ACYP2: variants seen among roughly 807,000 people sequenced by gnomAD.
ACYP2 encodes acylphosphatase 2.
ACYP2 carries 12 observed loss-of-function variants against 11.2 expected under a neutral mutation model. The observed-to-expected ratio is 1.08, with a 90% confidence interval of 0.69 to 1.74. The LOEUF (loss-of-function observed/expected upper bound fraction) is 1.74. ACYP2 is among the 40% of genes most tolerant of loss of function. ACYP2 has a pLI of 0.00. For synonymous variants in ACYP2, 43 were observed against 32.2 expected, an observed-to-expected ratio of 1.33 and a Z score of -1.13; for missense variants, 134 against 101.9, an observed-to-expected ratio of 1.31 and a Z score of -1.35.
At chr2:54,022,626 C>A (rs1463577901) in intron 2 of ACYP2, among the ~76,000 whole-genome samples, 1 of 152,100 alleles carries the variant, frequency 6.6e-6, no homozygotes, top group African/African-American at 2.4e-5. Flanking sequence ...GCAACCCTCC[C>A]ACCTCAGCCT....
intron 4 of ACYP2, among the ~76,000 whole-genome samples, chr2:54,094,823 C>A (rs966115363): frequency 2.6e-5 from 4 of 152,194 alleles, no homozygotes; most frequent in African/African-American, 9.7e-5. Context: ...CAGGTGTGAG[C>A]CACCATGGCC....
At chr2:54,267,426 CAGAAGGAGGG>C in intron 6 of ACYP2, 1 of 1,425,696 alleles carries the variant, frequency 7.0e-7, no homozygotes, top group Non-Finnish European at 9.4e-7. Flanking sequence ...GGGGTGGGAA[CAGAAGGAGGG>C]AGAAGGAATT....
rs1472203090 is a variant in ACYP2 at position 54,057,548 on chromosome 2, GT to G, written c.277+194del. Reference sequence around the variant, plus strand: ...GTTTGATTGATTCAATTCAAAGATAGTTTTTTACAGTCATGTAAGCACTGAC... The same window carrying G: ...GTTTGATTGATTCAATTCAAAGATAGTTTTTACAGTCATGTAAGCACTGAC... On this transcript the variant is annotated intron_variant, in intron 4 of 6. Coordinates refer to ENST00000607452, the MANE Select transcript of ACYP2 (RefSeq NM_001320586.2). 2.6e-5 allele frequency among the ~76,000 whole-genome samples: 4 copies of G among 152,136 alleles called. No individual in the cohort carries two copies. In the East Asian group the frequency reaches 7.7e-4, roughly 29 times the overall value.
intron 2 of ACYP2, among the ~76,000 whole-genome samples, chr2:53,992,028 C>CTCCT (rs1005873471): frequency 9.2e-5 from 14 of 151,724 alleles, no homozygotes; most frequent in African/African-American, 3.1e-4. Flanking sequence ...CCCTCTTTCC[C>CTCCT]TCCTTCCTTC....
At chr2:53,988,914 T>A (rs1008622059) in intron 2 of ACYP2, among the ~76,000 whole-genome samples, 15 of 152,052 alleles carry the variant, frequency 9.9e-5, no homozygotes, top group African/African-American at 3.4e-4. Context: ...GCCCACCTAT[T>A]TTTATTGCAT....
chr2:54,122,779 GCTAGAAGT>G (rs1680235520), intron 4 of ACYP2, among the ~76,000 whole-genome samples: 1 of 152,186 alleles, frequency 6.6e-6, no homozygotes, highest in Admixed American at 6.5e-5. Context: ...GAGTTAATGG[GCTAGAAGT>G]CTTGAGACTC....
At chr2:54,125,991 G>T in intron 4 of ACYP2, among the ~76,000 whole-genome samples, 1 of 152,060 alleles carries the variant, frequency 6.6e-6, no homozygotes, top group East Asian at 1.9e-4. Context: ...TGAGGCGGAA[G>T]AATTGCTTGA....
At chr2:54,201,607 T>TCC (rs1684784760) in intron 6 of ACYP2, among the ~76,000 whole-genome samples, 1 of 84,630 alleles carries the variant, frequency 1.2e-5, no homozygotes, top group African/African-American at 4.8e-5. Context: ...TTTCTTTCTT[T>TCC]CTTTCTTTCT....
At chr2:54,246,690 C>T (rs1363674296) in intron 6 of ACYP2, among the ~76,000 whole-genome samples, 2 of 151,916 alleles carry the variant, frequency 1.3e-5, no homozygotes, top group Non-Finnish European at 2.9e-5. Flanking sequence ...CCTCTAGTTT[C>T]TTTCTCTTAG....
At chr2:54,276,664 A>ACACACACACACACAC (rs1558662947) in intron 6 of ACYP2, among the ~76,000 whole-genome samples, 1 of 126,556 alleles carries the variant, frequency 7.9e-6, no homozygotes, top group African/African-American at 2.8e-5. Context: ...CACACACACC[A>ACACACACACACACAC]CACACAAGAA....
rs374581117 is a variant in ACYP2, at chr2:54,043,338, G to A, written c.63-7620G>A. On this transcript the variant is annotated intron_variant, in intron 2 of 6. Transcript: ENST00000607452. The stretch of plus-strand genomic sequence containing the variant: ...TCAACAGGGGCAGGACCACTTTTTG[G>A]ATATGGTTTGGGAATTACGGATGCA... Among the ~76,000 whole-genome samples, 30 of 152,230 alleles carry A rather than the reference G, an allele frequency of 2.0e-4. No homozygotes were observed. In the Middle Eastern group the frequency reaches 0.01, roughly 52 times the overall value.
intron 6 of ACYP2, among the ~76,000 whole-genome samples, chr2:54,206,721 G>A (rs1488854565): frequency 5.9e-5 from 9 of 152,286 alleles, no homozygotes; most frequent in Non-Finnish European, 1.0e-4. Flanking sequence ...GCTCCAAAAT[G>A]TAATTTAGAA....
intron 4 of ACYP2, among the ~76,000 whole-genome samples, chr2:54,133,738 A>G (rs1355251407): frequency 6.6e-6 from 1 of 152,138 alleles, no homozygotes; most frequent in African/African-American, 2.4e-5. Context: ...CCCAGGAGAG[A>G]TGTAAGAAGG....
intron 2 of ACYP2, among the ~76,000 whole-genome samples, chr2:54,033,071 T>G (rs1235040076): frequency 6.6e-6 from 1 of 152,108 alleles, no homozygotes; most frequent in African/African-American, 2.4e-5. Context: ...CAAGGCAAAC[T>G]AATCAGGGTG....
chr2:54,300,628 G>A (rs1279948766), intron 6 of ACYP2, among the ~76,000 whole-genome samples: 3 of 151,982 alleles, frequency 2.0e-5, no homozygotes, highest in African/African-American at 7.3e-5. Flanking sequence ...TCCTTTCCTC[G>A]CTTTCCACAA....
chr2:54,274,548 G>A (rs1048102098), intron 6 of ACYP2, among the ~76,000 whole-genome samples: 4 of 139,870 alleles, frequency 2.9e-5, no homozygotes, highest in Admixed American at 8.1e-5. Context: ...GATCACTTGA[G>A]CCTGAAAGGC....
chr2:54,305,062 T>C lies in ACYP2; in HGVS notation c.*260T>C, dbSNP rs539944418. ...GAACATTTAATTTAAACTTGTCTCA[T>C]GGAATCTTTAATTTCAATGAACATT... On this transcript the variant is annotated 3_prime_UTR_variant, in exon 7 of 7. Coordinates refer to ENST00000607452, the MANE Select transcript of ACYP2 (RefSeq NM_001320586.2). 4 of 257,074 alleles carry C rather than the reference T, an allele frequency of 1.6e-5. No individual in the cohort carries two copies. The South Asian group carries it at 4.0e-4, about 26-fold the overall frequency. The allele number at this position is 257,074 out of a possible 1,614,324, so 15.9% of individuals were successfully genotyped here.
intron 2 of ACYP2, among the ~76,000 whole-genome samples, chr2:53,999,006 C>T (rs1672689551): frequency 6.6e-6 from 1 of 151,928 alleles, no homozygotes; most frequent in Non-Finnish European, 1.5e-5. Context: ...ATGCAAGTTT[C>T]ATTAGTGAGA....
chr2:54,107,087 A>G (rs2103711539), intron 4 of ACYP2, among the ~76,000 whole-genome samples: 1 of 152,290 alleles, frequency 6.6e-6, no homozygotes, highest in East Asian at 1.9e-4. Flanking sequence ...CTGAAGACTG[A>G]AAGAGTAACC....
Sources: allele counts gnomAD v4.1 joint callset (sites outside exome capture counted in the v4.1 genomes callset), GRCh38; gene constraint gnomAD v4.1.1; transcripts MANE v1.5; gene names NCBI Gene and HGNC (gene_info 2026-07-23, HGNC 2026-07-21).